The following ATRNL1 variants were observed in gnomAD, a reference collection of about 807,000 sequenced individuals.
ATRNL1 encodes attractin-like protein 1.
In ATRNL1, 95 loss-of-function variants were observed where a neutral mutation model predicts 182.7. That is an observed-to-expected ratio of 0.52 (90% CI 0.44 to 0.62). The LOEUF is 0.62. ATRNL1 is among the 20% of genes least tolerant of loss of function. The pLI is 0.00. For missense variants in ATRNL1, 1,471 were observed against 1,679.5 expected, an observed-to-expected ratio of 0.88 and a Z score of 2.17; for synonymous variants, 576 against 568.3, an observed-to-expected ratio of 1.01 and a Z score of -0.19.
chr10:115,165,790 A>T (rs1554884257), intron 7 of ATRNL1, 145 bp downstream of exon 7: 3 of 403,870 alleles, frequency 7.4e-6, no homozygotes, highest in Non-Finnish European at 1.3e-5. Flanking sequence ...GATACCACAT[A>T]CTCTTATGCT....
intron 15 of ATRNL1, among the ~76,000 whole-genome samples, chr10:115,293,437 C>CT: frequency 6.6e-6 from 1 of 152,070 alleles, no homozygotes; most frequent in Non-Finnish European, 1.5e-5. Flanking sequence ...TTTGTATATC[C>CT]TTTCTATCCT....
intron 27 of ATRNL1, among the ~76,000 whole-genome samples, chr10:115,846,722 T>A (rs1266907458): frequency 6.6e-6 from 1 of 152,100 alleles, no homozygotes; most frequent in Non-Finnish European, 1.5e-5. Context: ...CGTGTGTACT[T>A]GTGCATATGT....
chr10:115,443,869 A>G (rs1448182117), intron 21 of ATRNL1, among the ~76,000 whole-genome samples: 1 of 152,076 alleles, frequency 6.6e-6, no homozygotes, highest in Admixed American at 6.6e-5. Context: ...TGCATGTCAA[A>G]GCTTCTGAAT....
At chr10:115,736,924 T>C (rs1224212035) in intron 27 of ATRNL1, among the ~76,000 whole-genome samples, 2 of 152,068 alleles carry the variant, frequency 1.3e-5, no homozygotes, top group East Asian at 3.9e-4. Flanking sequence ...TGTGCCTCCA[T>C]GCCTGGCTAA....
intron 19 of ATRNL1, among the ~76,000 whole-genome samples, chr10:115,355,788 A>G (rs1025903399): frequency 6.6e-6 from 1 of 151,842 alleles, no homozygotes; most frequent in African/African-American, 2.4e-5. Flanking sequence ...GTAATTGGTA[A>G]TGTCTGTTTT....
intron 27 of ATRNL1, among the ~76,000 whole-genome samples, chr10:115,799,119 A>G (rs1949730954): frequency 6.6e-6 from 1 of 152,110 alleles, no homozygotes; most frequent in Non-Finnish European, 1.5e-5. Flanking sequence ...GACACCAGTA[A>G]TAAGCTTTCT....
chr10:115,436,697 T>G (rs1328262593), intron 21 of ATRNL1, among the ~76,000 whole-genome samples: 1 of 152,150 alleles, frequency 6.6e-6, no homozygotes, highest in African/African-American at 2.4e-5. Flanking sequence ...ATATTTTTTC[T>G]CATTAAATTA....
At position 115,295,784 on chromosome 10, in the gene ATRNL1, G is replaced by A. The variant is rs188869849; in HGVS notation, c.2416-4250G>A. 8.4e-4 allele frequency among the ~76,000 whole-genome samples: 128 copies of A among 152,188 alleles called. 1 individual carries two copies. In the East Asian group the frequency reaches 0.018, roughly 22 times the overall value. On this transcript the variant is annotated intron_variant, in intron 15 of 28. Transcript: ENST00000355044. ...GGGGATTGGTTTCCCTGCTGTGTAGGACCAGAGTCACAGCCAATCCTGGAC... is the reference window on the plus strand; with the variant it reads ...GGGGATTGGTTTCCCTGCTGTGTAGAACCAGAGTCACAGCCAATCCTGGAC...
chr10:115,110,778 G>T (rs1844224198), intron 1 of ATRNL1, among the ~76,000 whole-genome samples: 1 of 152,158 alleles, frequency 6.6e-6, no homozygotes. Context: ...CTTTAAACAT[G>T]ATGGTCAATT....
intron 18 of ATRNL1, among the ~76,000 whole-genome samples, chr10:115,326,879 A>G (rs1217701470): frequency 1.3e-5 from 2 of 152,236 alleles, no homozygotes; most frequent in Non-Finnish European, 2.9e-5. Context: ...CTGGCTAGCC[A>G]TATGTAGAAA....
chr10:115,908,379 G>T (rs1377496852), intron 28 of ATRNL1, among the ~76,000 whole-genome samples: 1 of 152,052 alleles, frequency 6.6e-6, no homozygotes, highest in Non-Finnish European at 1.5e-5. Context: ...GCTTTTCGAG[G>T]CTGCCTGCAT....
intron 19 of ATRNL1, among the ~76,000 whole-genome samples, chr10:115,370,082 T>G (rs1462089927): frequency 6.6e-6 from 1 of 152,206 alleles, no homozygotes; most frequent in African/African-American, 2.4e-5. Context: ...GGAGTTTCCC[T>G]GCACAAAATC....
intron 26 of ATRNL1, among the ~76,000 whole-genome samples, chr10:115,678,380 A>G (rs531780206): frequency 6.6e-6 from 1 of 152,240 alleles, no homozygotes; most frequent in African/African-American, 2.4e-5. Flanking sequence ...GAATCTTTTT[A>G]TAAAATTGAT....
At chr10:115,587,481 G>C (rs532548375) in intron 26 of ATRNL1, among the ~76,000 whole-genome samples, 46 of 151,830 alleles carry the variant, frequency 3.0e-4, no homozygotes, top group African/African-American at 9.6e-4. Flanking sequence ...GTTTTAGCCC[G>C]TCGGAAAAGC....
intron 28 of ATRNL1, among the ~76,000 whole-genome samples, chr10:115,896,929 G>A (rs1192755569): frequency 1.3e-5 from 2 of 152,098 alleles, no homozygotes; most frequent in African/African-American, 4.8e-5. Flanking sequence ...GACCCACAAA[G>A]AAAAAGACTA....
At chr10:115,659,076 A>C (rs1555036926) in intron 26 of ATRNL1, among the ~76,000 whole-genome samples, 1 of 152,040 alleles carries the variant, frequency 6.6e-6, no homozygotes, top group Non-Finnish European at 1.5e-5. Context: ...GTCTCCCATC[A>C]CACATAGGGA....
intron 26 of ATRNL1, among the ~76,000 whole-genome samples, chr10:115,706,768 G>T (rs994686865): frequency 6.6e-6 from 1 of 151,786 alleles, no homozygotes; most frequent in African/African-American, 2.4e-5. Context: ...CATGTATAGT[G>T]CCATGCAGTT....
intron 21 of ATRNL1, among the ~76,000 whole-genome samples, chr10:115,431,775 C>T (rs1554964024): frequency 6.6e-6 from 1 of 152,088 alleles, no homozygotes; most frequent in Non-Finnish European, 1.5e-5. Flanking sequence ...TATTCTCTAG[C>T]TTTTCCACAT....
At chr10:115,105,066 A>AT (rs1177420326) in intron 1 of ATRNL1, among the ~76,000 whole-genome samples, 25 of 151,424 alleles carry the variant, frequency 1.7e-4, no homozygotes, top group Admixed American at 1.2e-3. Context: ...ATATTTTATG[A>AT]TTTTTTTTCT....
Sources: allele counts gnomAD v4.1 joint callset (sites outside exome capture counted in the v4.1 genomes callset), GRCh38; gene constraint gnomAD v4.1.1; transcripts MANE v1.5; gene names NCBI Gene and HGNC (gene_info 2026-07-23, HGNC 2026-07-21).